Variants in PIWIL1 observed in about 807,000 individuals in gnomAD.
The protein encoded by PIWIL1 is piwi like RNA-mediated gene silencing 1, also known as piwi-like protein 1.
PIWIL1 carries 73 observed loss-of-function variants against 114.4 expected under a neutral mutation model. That is an observed-to-expected ratio of 0.64 (90% CI 0.53 to 0.78). The LOEUF is 0.78. Ranked by LOEUF, PIWIL1 falls within the 30% of genes least tolerant of loss-of-function variation. PIWIL1 has a pLI of 0.00. For missense variants in PIWIL1, 723 were observed against 1,063.1 expected, an observed-to-expected ratio of 0.68 and a Z score of 4.45; for synonymous variants, 375 against 369.0, an observed-to-expected ratio of 1.02 and a Z score of -0.19.
At chr12:130,389,586 T>C in the PIWIL1 span, among the ~76,000 whole-genome samples, 1 of 152,176 alleles carries the variant, frequency 6.6e-6, no homozygotes, top group East Asian at 1.9e-4. Context: ...TGATAATACT[T>C]CATCTTTATA....
At chr12:130,351,115 G>A (rs1211154140) in intron 9 of PIWIL1, 1 of 152,140 alleles carries the variant, frequency 6.6e-6, no homozygotes, top group Non-Finnish European at 1.5e-5. Context: ...AATGAGTTGT[G>A]GCATTTTTCT....
At chr12:130,417,262 G>A in the PIWIL1 span, among the ~76,000 whole-genome samples, 4 of 152,136 alleles carry the variant, frequency 2.6e-5, no homozygotes, top group South Asian at 2.1e-4. Context: ...AAAAGAAGTC[G>A]TTTCACCAAA....
chr12:130,378,045 A>G, the PIWIL1 span, among the ~76,000 whole-genome samples: 1 of 152,276 alleles, frequency 6.6e-6, no homozygotes, highest in Non-Finnish European at 1.5e-5. Context: ...TACATAAAGT[A>G]AATGAATACA....
the PIWIL1 span, among the ~76,000 whole-genome samples, chr12:130,420,011 C>T: frequency 6.6e-6 from 1 of 152,148 alleles, no homozygotes; most frequent in Non-Finnish European, 1.5e-5. The surrounding 1 kb of genome is among the most constrained non-coding windows in gnomAD (Gnocchi z 4.3). Context: ...GTATGGTTTA[C>T]AGACTTAATT....
rs144546887 is a variant in PIWIL1 at position 130,356,920 on chromosome 12, T to C, written c.1407T>C (p.Phe469=). ...AGTGTGTCTGAACTCTCTTCTAGTT[T>C]GATTACAATCCACAATTTGCAGATT... is the stretch of plus-strand genomic sequence containing the variant. The part of the protein sequence containing the change: ...TEKIHQGGKT[F]DYNPQFADWS... The change falls in exon 13 of 21, where the codon TTT becomes TTC. Residue 469 remains phenylalanine, a splice_region_variant and synonymous_variant. Transcript: ENST00000245255. The C allele has an allele frequency of 1.2e-5, 20 of 1,604,394 alleles. No individual in the cohort carries two copies. In the African/African-American group the frequency reaches 2.3e-4, roughly 18 times the overall value.
At chr12:130,373,132 C>T (rs1225030800), downstream of PIWIL1, among the ~76,000 whole-genome samples, 67 of 152,170 alleles carry the variant, frequency 4.4e-4, no homozygotes, top group Non-Finnish European at 5.9e-5. Context: ...GGTTCCTTAA[C>T]CTGTTCGATT....
chr12:130,374,193 A>C (rs2073848968), downstream of PIWIL1, among the ~76,000 whole-genome samples: 1 of 152,162 alleles, frequency 6.6e-6, no homozygotes, highest in African/African-American at 2.4e-5. Flanking sequence ...GTCCTACAGG[A>C]GTTTTTTGGA....
At chr12:130,406,931 G>A in the PIWIL1 span, among the ~76,000 whole-genome samples, 1 of 152,278 alleles carries the variant, frequency 6.6e-6, no homozygotes, top group African/African-American at 2.4e-5. Context: ...GTAAGCCACC[G>A]CACCCAGCCT....
chr12:130,387,614 A>C, the PIWIL1 span, among the ~76,000 whole-genome samples: 1 of 106,484 alleles, frequency 9.4e-6, no homozygotes, highest in African/African-American at 3.9e-5. Flanking sequence ...CATGCACACT[A>C]CCCCTTCCTG....
rs761623698 is a variant in PIWIL1, at chr12:130,361,515, C to T, written c.1884C>T (p.Ile628=). The T allele has an allele frequency of 9.3e-6, 15 of 1,614,002 alleles. No homozygotes were observed. The highest frequency in any genetic ancestry group is 5.0e-5 in the Admixed American group (3 of 60,000). ...TATTGAAGCTGAAGCTCGTGATGAT[C>T]GTTGGCATCGATTGTTACCATGACA... ...RVDIPLKLVM[I]VGIDCYHDMT... is the part of the protein sequence containing the mutation. The change falls in exon 16 of 21, where the codon ATC becomes ATT. Residue 628 remains isoleucine (I), a synonymous_variant. Transcript: ENST00000245255.
chr12:130,356,801 G>A, intron 12 of PIWIL1, 117 bp from the exon 13 acceptor site: 1 of 628,302 alleles, frequency 1.6e-6, no homozygotes, highest in Non-Finnish European at 2.6e-6. Context: ...TTTAATTCAA[G>A]CATAAAAGTA....
intron 3 of PIWIL1, among the ~76,000 whole-genome samples, chr12:130,343,849 G>T (rs928712209): frequency 6.6e-6 from 1 of 152,030 alleles, no homozygotes; most frequent in African/African-American, 2.4e-5. Context: ...GGACGGTCTC[G>T]ATCTCCTGAC....
At chr12:130,379,141 A>G in the PIWIL1 span, among the ~76,000 whole-genome samples, 1 of 152,250 alleles carries the variant, frequency 6.6e-6, no homozygotes, top group Admixed American at 6.5e-5. Flanking sequence ...TATCTTCCTT[A>G]GCTGTTTAAT....
intron 9 of PIWIL1, among the ~76,000 whole-genome samples, chr12:130,350,236 A>G (rs964477286): frequency 6.6e-6 from 1 of 152,204 alleles, no homozygotes; most frequent in Admixed American, 6.5e-5. Context: ...TATGGAGGAC[A>G]AGTAGGTTGG....
rs565114702 is a variant in PIWIL1, at chr12:130,356,041, G to A, written c.1404+374G>A. On this transcript the variant is annotated intron_variant, in intron 12 of 20. Coordinates refer to ENST00000245255, the MANE Select transcript of PIWIL1 (RefSeq NM_004764.5). The stretch of plus-strand genomic sequence containing the variant: ...ATCTGTAAGACTTAGCTAAAAAGTG[G>A]TTCGATTTTTTTTTTTTTCAATAAC... Among the ~76,000 whole-genome samples the A allele has an allele frequency of 4.0e-4, 60 of 151,512 alleles. No individual in the cohort carries two copies. In the Middle Eastern group the frequency reaches 0.01, roughly 26 times the overall value.
At position 130,342,634 on chromosome 12, in the gene PIWIL1, G is replaced by C. The variant is rs150787742; in HGVS notation, c.43G>C (p.Gly15Arg). The change falls in exon 2 of 21, where the codon GGT (glycine) becomes CGT (arginine). Residue 15 changes from glycine (G) to arginine (R), a missense_variant. Coordinates refer to ENST00000245255, the MANE Select transcript of PIWIL1 (RefSeq NM_004764.5). ...ARARARGRAR[G>R]QETAQLVGST... is the part of the protein sequence containing the mutation. ...AGCCAGAGCCAGAGGAAGGGCCCGC[G>C]GTCAGGAGACAGCGCAGCTGGTGGG... The C allele has an allele frequency of 1.9e-6, 3 of 1,613,952 alleles. No individual in the cohort carries two copies. Among genetic ancestry groups the C allele is most frequent in the Non-Finnish European group, 8.5e-7 (1 of 1,179,860 alleles).
At chr12:130,395,069 G>A in the PIWIL1 span, among the ~76,000 whole-genome samples, 2 of 152,194 alleles carry the variant, frequency 1.3e-5, no homozygotes, top group Non-Finnish European at 2.9e-5. Flanking sequence ...GCGCTCATGG[G>A]TCAGGGCTGC....
chr12:130,423,803 C>T, the PIWIL1 span, among the ~76,000 whole-genome samples: 18 of 151,004 alleles, frequency 1.2e-4, no homozygotes, highest in Non-Finnish European at 2.9e-5. Flanking sequence ...CCCTAAGGAT[C>T]CCTGTGAACA....
At position 130,347,757 on chromosome 12, in the gene PIWIL1, C is replaced by T. The variant is rs557751231; in HGVS notation, c.654-346C>T. 5.0e-5 allele frequency among the ~76,000 whole-genome samples: 7 copies of T among 139,792 alleles called. No homozygotes were observed. The South Asian group carries it at 1.6e-3, about 31-fold the overall frequency. The allele number at this position is 139,792 out of a possible 152,430, so 91.7% of individuals were successfully genotyped here. A position where few individuals can be genotyped will look rare whatever the true frequency, so the allele number is the denominator to read the frequency against. On this transcript the variant is annotated intron_variant, in intron 6 of 20. Transcript: ENST00000245255. Reference sequence around the variant, plus strand: ...AGTAAACATCGTAGGCTTTGAAAGCCATGTCATCTCTTGGCAGCTCTTCAG... The same window carrying T: ...AGTAAACATCGTAGGCTTTGAAAGCTATGTCATCTCTTGGCAGCTCTTCAG...
Sources: gnomAD v4.1 joint callset for allele counts (sites outside exome capture counted in the v4.1 genomes callset) on GRCh38, gnomAD v4.1.1 for gene constraint, Gnocchi (gnomAD v3.1) non-coding constraint, MANE v1.5 for transcripts, NCBI Gene and HGNC (gene_info 2026-07-23, HGNC 2026-07-21) for gene names.